Variants in SPG21 observed in about 807,000 individuals in gnomAD.
SPG21 encodes the protein maspardin.
SPG21 carries 26 observed loss-of-function variants against 38.9 expected under a neutral mutation model. That is an observed-to-expected ratio of 0.67 (90% CI 0.49 to 0.93). The LOEUF (loss-of-function observed/expected upper bound fraction) is 0.93, where lower values mean the gene tolerates loss of function less well. Among genes scored for constraint, SPG21 ranks in the 40% least tolerant of loss-of-function variants. The probability of loss-of-function intolerance (pLI) is 0.00; values close to 1 mark genes in which losing one functional copy is unlikely to be tolerated. For synonymous variants in SPG21, 136 were observed against 128.9 expected (o/e 1.05, Z -0.37); for missense variants, 333 against 376.5 (o/e 0.88, Z 0.96).
chr15:64,967,789 G>C (rs902494773), intron 7 of SPG21, among the ~76,000 whole-genome samples: 1 of 151,972 alleles, frequency 6.6e-6, no homozygotes, highest in African/African-American at 2.4e-5. Flanking sequence ...TTTATTAGTA[G>C]TAGAGACAGG....
intron 7 of SPG21, among the ~76,000 whole-genome samples, chr15:64,968,340 C>CAA (rs11305475): frequency 0.023 from 2,515 of 108,878 alleles, 50 homozygotes; most frequent in Non-Finnish European, 0.028. Flanking sequence ...ACCCTGTTTC[C>CAA]AAAAAAAAAA....
chr15:64,971,616 T>C (rs2085665679), intron 5 of SPG21, among the ~76,000 whole-genome samples: 1 of 151,342 alleles, frequency 6.6e-6, no homozygotes, highest in South Asian at 2.1e-4. Flanking sequence ...AGGTGGGTGA[T>C]CACAAGGTCA....
rs71136305 is a variant in SPG21, at chr15:64,979,845, C to CAAA, written c.225+1016_225+1018dup. Among the ~76,000 whole-genome samples the CAAA allele has an allele frequency of 5.6e-3, 500 of 89,478 alleles. 15 individuals are homozygous for CAAA. The highest frequency in any genetic ancestry group is 0.022 in the African/African-American group (437 of 20,250). The allele number at this position is 89,478 out of a possible 152,430, so 58.7% of individuals were successfully genotyped here. ...ATGTCCTGACCAATGTGGAAGCATGCAAAAAAAAAAAAAAAAAAAAAAATC... is the reference window on the plus strand; with the variant it reads ...ATGTCCTGACCAATGTGGAAGCATGCAAAAAAAAAAAAAAAAAAAAAAAAAATC... On this transcript the variant is annotated intron_variant, in intron 3 of 8. Coordinates refer to ENST00000204566, the MANE Select transcript of SPG21 (RefSeq NM_016630.7).
At chr15:64,982,398 G>A (rs1049266284) in intron 2 of SPG21, among the ~76,000 whole-genome samples, 4 of 151,870 alleles carry the variant, frequency 2.6e-5, no homozygotes, top group African/African-American at 9.7e-5. Context: ...TTCCTGCCTC[G>A]GCCTTCCAAA....
chr15:64,974,538 CCAAA>C (rs2085737593), intron 5 of SPG21, 60 bp downstream of exon 5: 1 of 1,589,968 alleles, frequency 6.3e-7, no homozygotes, highest in Non-Finnish European at 8.6e-7. Flanking sequence ...TCCTAATGTA[CCAAA>C]CACTCAAAAG....
At chr15:64,978,781 T>G (rs1039312589) in intron 3 of SPG21, among the ~76,000 whole-genome samples, 1 of 152,134 alleles carries the variant, frequency 6.6e-6, no homozygotes, top group Non-Finnish European at 1.5e-5. Flanking sequence ...GTGACAAAAT[T>G]ATATGCAACT....
Position 64,970,223 on chromosome 15 carries a change from C to A in SPG21, c.453-1G>T, listed in dbSNP as rs764415694. On this transcript the variant is annotated splice_acceptor_variant, in intron 5 of 8. Transcript: ENST00000204566. LOFTEE classifies it high-confidence loss of function. ...CATAAATGCAGGCATCAGCCAAAAGCTGTAAAACACAAAGACCTTATAATT... is the reference window on the plus strand; with the variant it reads ...CATAAATGCAGGCATCAGCCAAAAGATGTAAAACACAAAGACCTTATAATT... 6.2e-7 allele frequency: 1 copy of A among 1,611,312 alleles called. No homozygotes were observed. Among genetic ancestry groups the A allele is most frequent in the Non-Finnish European group, 8.5e-7 (1 of 1,177,614 alleles).
At chr15:64,989,190 G>GT (rs1203054203) in intron 1 of SPG21, 2 of 151,702 alleles carry the variant, frequency 1.3e-5, no homozygotes, top group Non-Finnish European at 2.9e-5. Context: ...CCCACACTCA[G>GT]TAACAACAAA....
chr15:64,975,443 G>A (rs771349711), intron 4 of SPG21, among the ~76,000 whole-genome samples: 6 of 150,710 alleles, frequency 4.0e-5, no homozygotes, highest in Non-Finnish European at 5.9e-5. Context: ...TGGGAGGATC[G>A]CTTGAGCCCA....
chr15:64,982,167 C>T (rs1431777800), intron 2 of SPG21, among the ~76,000 whole-genome samples: 2 of 104,944 alleles, frequency 1.9e-5, no homozygotes, highest in East Asian at 6.0e-4. Flanking sequence ...TTTTTTGAGA[C>T]AAGGTCTGGC....
At chr15:64,978,058 C>T (rs968766765) in intron 3 of SPG21, among the ~76,000 whole-genome samples, 1 of 149,910 alleles carries the variant, frequency 6.7e-6, no homozygotes, top group African/African-American at 2.4e-5. Flanking sequence ...GTCTCGATCT[C>T]CTGATCTTGT....
In SPG21 at chr15:64,980,663, G is replaced by A. The variant is rs532425582; in HGVS notation, c.225+201C>T. On this transcript the variant is annotated intron_variant, in intron 3 of 8. Coordinates refer to ENST00000204566, the MANE Select transcript of SPG21 (RefSeq NM_016630.7). ...TGAGGCAGGAGAATCGCTTGAACCC[G>A]GGAGACGGAGGTTGCAGTGAGCAGA... 1.8e-4 allele frequency among the ~76,000 whole-genome samples: 27 copies of A among 151,930 alleles called. No individual in the cohort carries two copies. In the South Asian group the frequency reaches 3.5e-3, roughly 20 times the overall value.
At position 64,963,733 on chromosome 15, in the gene SPG21, G is replaced by T. The variant is rs371953772; in HGVS notation, c.814C>A (p.His272Asn). Residue 272 changes from histidine (H) to asparagine (N), a missense_variant, in exon 9 of 9, where the codon CAT (histidine) becomes AAT (asparagine). Coordinates refer to ENST00000204566, the MANE Select transcript of SPG21 (RefSeq NM_016630.7). ...SAEVNLYVQI[H>N]LLQFHGTKYA... ...TTGGTTCCATGGAATTGCAGCAAAT[G>T]TATCTGTTGAAATGCAGAATCATTA... is the stretch of plus-strand genomic sequence containing the variant. The T allele has an allele frequency of 2.5e-6, 4 of 1,612,952 alleles. No individual in the cohort carries two copies. The highest frequency in any genetic ancestry group is 1.7e-5 in the Admixed American group (1 of 60,006).
chr15:64,971,521 A>G (rs1259693855), intron 5 of SPG21, among the ~76,000 whole-genome samples: 1 of 151,510 alleles, frequency 6.6e-6, no homozygotes, highest in African/African-American at 2.4e-5. Flanking sequence ...CCTGGGCGAC[A>G]GAGCCAGACT....
intron 3 of SPG21, among the ~76,000 whole-genome samples, chr15:64,977,333 G>C (rs1267817890): frequency 2.0e-5 from 3 of 151,294 alleles, no homozygotes; most frequent in African/African-American, 7.3e-5. Context: ...CCAAAGTGTT[G>C]GAATTTTAGG....
intron 2 of SPG21, chr15:64,981,252 C>T: frequency 3.7e-6 from 2 of 534,126 alleles, no homozygotes; most frequent in South Asian, 2.2e-5. Context: ...TATAATCTTC[C>T]AAAGGGCTGC....
chr15:64,984,064 G>A (rs531764291), intron 1 of SPG21, among the ~76,000 whole-genome samples: 3 of 152,252 alleles, frequency 2.0e-5, no homozygotes, highest in South Asian at 2.1e-4. Flanking sequence ...GATTACAGGC[G>A]TGAGCCACCA....
Position 64,977,051 on chromosome 15 carries a change from A to G in SPG21, c.226-496T>C, listed in dbSNP as rs531970286. Among the ~76,000 whole-genome samples, 117 of 152,136 alleles carry G rather than the reference A, an allele frequency of 7.7e-4. 1 individual carries two copies. Among genetic ancestry groups the G allele is most frequent in the African/African-American group, 2.8e-3 (116 of 41,520 alleles). On this transcript the variant is annotated intron_variant, in intron 3 of 8. Transcript: ENST00000204566. ...TTAAATGACTTAGTTACTCTATTTC[A>G]TTTATTGTACTTTGGGGTGTCTGTT...
intron 3 of SPG21, among the ~76,000 whole-genome samples, chr15:64,977,503 C>T (rs529417040): frequency 2.0e-5 from 3 of 152,186 alleles, no homozygotes; most frequent in Non-Finnish European, 4.4e-5. Context: ...GAATCACAGG[C>T]ATGCACCACC....
Sources: allele counts gnomAD v4.1 joint callset (sites outside exome capture counted in the v4.1 genomes callset), GRCh38; gene constraint gnomAD v4.1.1; transcripts MANE v1.5; gene names NCBI Gene and HGNC (gene_info 2026-07-23, HGNC 2026-07-21).